ACOX3: variants seen among roughly 807,000 people sequenced by gnomAD.
ACOX3 encodes the protein peroxisomal acyl-coenzyme A oxidase 3.
In ACOX3, 73 loss-of-function variants were observed where a neutral mutation model predicts 81.5. The ratio of observed to expected loss-of-function variants is 0.90; its 90% CI spans 0.74 to 1.09. ACOX3 has a LOEUF of 1.09. Among genes scored for constraint, ACOX3 ranks in the 50% least tolerant of loss-of-function variants. The pLI is 0.00. For missense variants in ACOX3, 947 were observed against 928.0 expected, an observed-to-expected ratio of 1.02 and a Z score of -0.27; for synonymous variants, 387 against 375.1, an observed-to-expected ratio of 1.03 and a Z score of -0.37.
In ACOX3 at chr4:8,374,980, C is replaced by A; in HGVS notation, c.1826G>T (p.Arg609Leu). Residue 609 changes from arginine (R) to leucine (L), a missense_variant and splice_region_variant, in exon 15 of 18, where the codon CGA becomes CTA. Coordinates refer to ENST00000356406, the MANE Select transcript of ACOX3 (RefSeq NM_003501.3). ...SLSRHAALLY[R>L]GGYFSGEQAG... is the part of the protein sequence containing the mutation. ...AAGCCCGCAGTCAGAAGCCTCACCT[C>A]GGTAGAGCAGGGCCGCGTGGCGGCT... is the stretch of plus-strand genomic sequence containing the variant. 1.3e-6 allele frequency: 2 copies of A among 1,517,002 alleles called. No individual in the cohort carries two copies. Among genetic ancestry groups the A allele is most frequent in the South Asian group, 1.2e-5 (1 of 81,650 alleles). 94.0% of individuals were successfully genotyped at this position (1,517,002 alleles called of 1,614,324 possible).
rs934260016 is a variant in ACOX3 at position 8,394,069 on chromosome 4, A to G, written c.1179+551T>C. Among the ~76,000 whole-genome samples, 10 of 152,210 alleles carry G rather than the reference A, an allele frequency of 6.6e-5. No homozygotes were observed. Among genetic ancestry groups the G allele is most frequent in the African/African-American group, 2.4e-4 (10 of 41,442 alleles). On this transcript the variant is annotated intron_variant, in intron 10 of 17. Transcript: ENST00000356406. The surrounding 1 kb of genome is among the most constrained non-coding windows in gnomAD (Gnocchi z 5.9). ...CTGTGGCGTTTCTCCTCTGCTTTCA[A>G]ACACGGTTATTTCTTTTGATTCACA... is the stretch of plus-strand genomic sequence containing the variant.
At chr4:8,401,348 G>GA (rs1720355043) in intron 7 of ACOX3, among the ~76,000 whole-genome samples, 1 of 152,162 alleles carries the variant, frequency 6.6e-6, no homozygotes, top group Non-Finnish European at 1.5e-5. Context: ...CTCACATGCT[G>GA]GAAGGGAACC....
At position 8,382,852 on chromosome 4, in the gene ACOX3, C is replaced by A. The variant is rs957817709; in HGVS notation, c.1538-1245G>T. ...CTAAAAATACAAAAAATTAGCCGGG[C>A]GCAGTGGCAGGCGCCTGTAGTCCCA... On this transcript the variant is annotated intron_variant, in intron 13 of 17. Coordinates refer to ENST00000356406, the MANE Select transcript of ACOX3 (RefSeq NM_003501.3). This position sits in a 1 kb window ranked among gnomAD's most constrained non-coding sequence, Gnocchi z 4.1. Among the ~76,000 whole-genome samples, 23 of 152,108 alleles carry A rather than the reference C, an allele frequency of 1.5e-4. No individual in the cohort carries two copies. Among genetic ancestry groups the A allele is most frequent in the Admixed American group, 1.3e-3 (20 of 15,292 alleles).
Position 8,375,200 on chromosome 4 carries a change from C to T in ACOX3, c.1654-48G>A, listed in dbSNP as rs1249923888. 4.1e-6 allele frequency: 6 copies of T among 1,476,532 alleles called. No individual in the cohort carries two copies. The Admixed American group carries it at 1.5e-4, about 36-fold the overall frequency. 91.5% of individuals were successfully genotyped at this position (1,476,532 alleles called of 1,614,324 possible). On this transcript the variant is annotated intron_variant, in intron 14 of 17. Transcript: ENST00000356406. ...GAGGACCGTGAGGGTCCCAGCCCCG[C>T]CCAGATTCCCGGGGGAGGAAGTTCT...
At chr4:8,391,957 A>G (rs1407152810) in intron 11 of ACOX3, among the ~76,000 whole-genome samples, 2 of 152,268 alleles carry the variant, frequency 1.3e-5, no homozygotes, top group Non-Finnish European at 2.9e-5. Flanking sequence ...GTTAAAATTC[A>G]AATGAGCAGA....
intron 7 of ACOX3, among the ~76,000 whole-genome samples, chr4:8,403,040 C>T (rs1433566598): frequency 1.3e-5 from 2 of 152,158 alleles, no homozygotes; most frequent in African/African-American, 2.4e-5. Flanking sequence ...GTGCAGCCCA[C>T]CTTAAGAGTC....
rs1718066992 is a variant in ACOX3 at position 8,384,524 on chromosome 4, A to G, written c.1538-2917T>C. 6.6e-6 allele frequency among the ~76,000 whole-genome samples: 1 copy of G among 152,120 alleles called. No homozygotes were observed. The highest frequency in any genetic ancestry group is 1.5e-5 in the Non-Finnish European group (1 of 68,012). On this transcript the variant is annotated intron_variant, in intron 13 of 17. Coordinates refer to ENST00000356406, the MANE Select transcript of ACOX3 (RefSeq NM_003501.3). The surrounding 1 kb of genome is among the most constrained non-coding windows in gnomAD (Gnocchi z 5.3). ...ACCTCTGTCCTCAAGACTCTCCCAG[A>G]ATCCTGGGTCACCACGGCCTTTCCA...
intron 1 of ACOX3, among the ~76,000 whole-genome samples, chr4:8,426,574 G>A (rs1200889823): frequency 2.3e-5 from 3 of 131,824 alleles, no homozygotes; most frequent in East Asian, 2.2e-4. Flanking sequence ...CCTCCATGCC[G>A]CTATACTACC....
intron 11 of ACOX3, among the ~76,000 whole-genome samples, chr4:8,390,524 G>A (rs529960541): frequency 3.3e-5 from 5 of 152,298 alleles, no homozygotes; most frequent in South Asian, 4.1e-4. Flanking sequence ...CCCTTCTTCC[G>A]TCCATAACTG....
At position 8,370,335 on chromosome 4, in the gene ACOX3, G is replaced by A. The variant is rs984978581; in HGVS notation, c.1983+573C>T. 1.3e-5 allele frequency among the ~76,000 whole-genome samples: 2 copies of A among 152,140 alleles called. No homozygotes were observed. The highest frequency in any genetic ancestry group is 3.4e-3 in the Middle Eastern group (1 of 294). On this transcript the variant is annotated intron_variant, in intron 17 of 17. Transcript: ENST00000356406. The surrounding 1 kb of genome is among the most constrained non-coding windows in gnomAD (Gnocchi z 6.3). ...GCAGGCAGTCGAGGAGGCTGGTGGAGGCTCCCTCAGGGGGGCGGCCTGACC... is the reference window on the plus strand; with the variant it reads ...GCAGGCAGTCGAGGAGGCTGGTGGAAGCTCCCTCAGGGGGGCGGCCTGACC...
chr4:8,389,625 T>A lies in ACOX3; in HGVS notation c.1410A>T (p.Ala470=), dbSNP rs1448754562. ...GCAGAGCCTCACCGTGGACCTGGTG[T>A]GCCAGGAGACCCAGCAAATAGTTGC... The part of the protein sequence containing the change: ...QTSNYLLGLL[A]HQVHDGACFR... Residue 470 remains alanine, a synonymous_variant, in exon 12 of 18, where the codon GCA becomes GCT. Transcript: ENST00000356406. This position sits in a 1 kb window ranked among gnomAD's most constrained non-coding sequence, Gnocchi z 5.3. 8.1e-6 allele frequency: 13 copies of A among 1,613,816 alleles called. No individual in the cohort carries two copies. Among genetic ancestry groups the A allele is most frequent in the Non-Finnish European group, 1.1e-5 (13 of 1,180,016 alleles).
In ACOX3 at chr4:8,384,828, A is replaced by C. The variant is rs114078042; in HGVS notation, c.1538-3221T>G. On this transcript the variant is annotated intron_variant, in intron 13 of 17. Coordinates refer to ENST00000356406, the MANE Select transcript of ACOX3 (RefSeq NM_003501.3). This position sits in a 1 kb window ranked among gnomAD's most constrained non-coding sequence, Gnocchi z 5.3. ...GCGGCCCCAACTCCTCAGCCAGATC[A>C]CAGGCCCGGGTCTGACCATGCCCGC... is the stretch of plus-strand genomic sequence containing the variant. 5.5e-3 allele frequency among the ~76,000 whole-genome samples: 840 copies of C among 152,272 alleles called. 6 individuals are homozygous for C. Among genetic ancestry groups the C allele is most frequent in the African/African-American group, 0.019 (803 of 41,558 alleles).
chr4:8,399,547 T>G lies in ACOX3; in HGVS notation c.873+9A>C, dbSNP rs1246390808. The stretch of plus-strand genomic sequence containing the variant: ...AGCACGGCACACGAACGGCCCCCCA[T>G]GCCTGTACCTTAAAGGGGCTGACAT... On this transcript the variant is annotated intron_variant, in intron 8 of 17. Coordinates refer to ENST00000356406, the MANE Select transcript of ACOX3 (RefSeq NM_003501.3). The surrounding 1 kb of genome is among the most constrained non-coding windows in gnomAD (Gnocchi z 4.9). The G allele has an allele frequency of 1.9e-6, 3 of 1,608,700 alleles. No homozygotes were observed. The East Asian group carries it at 6.7e-5, about 36-fold the overall frequency.
intron 6 of ACOX3, among the ~76,000 whole-genome samples, chr4:8,409,185 A>G (rs1480556577): frequency 6.6e-6 from 1 of 152,260 alleles, no homozygotes; most frequent in Non-Finnish European, 1.5e-5. Flanking sequence ...AAAGAAAAAA[A>G]CGTAAAACTG....
At chr4:8,421,226 T>C (rs1192215690) in intron 1 of ACOX3, among the ~76,000 whole-genome samples, 3 of 152,206 alleles carry the variant, frequency 2.0e-5, no homozygotes, top group Non-Finnish European at 4.4e-5. Context: ...TGGAGGAAAA[T>C]ACTGGGCACC....
intron 1 of ACOX3, among the ~76,000 whole-genome samples, chr4:8,417,431 T>C (rs1722458362): frequency 6.6e-6 from 1 of 152,242 alleles, no homozygotes; most frequent in Non-Finnish European, 1.5e-5. Context: ...GCAGGAATCC[T>C]GCCTTCTATA....
chr4:8,410,301 T>C lies in ACOX3; in HGVS notation c.598A>G (p.Met200Val), dbSNP rs775596751. 31 of 1,614,052 alleles carry C rather than the reference T, an allele frequency of 1.9e-5. No individual in the cohort carries two copies. Among genetic ancestry groups the C allele is most frequent in the Non-Finnish European group, 2.5e-5 (29 of 1,180,010 alleles). Residue 200 changes from methionine (M) to valine (V), a missense_variant, in exon 6 of 18, where the codon ATG (methionine) becomes GTG (valine). By Grantham distance (21) the Met-to-Val change is conservative. Coordinates refer to ENST00000356406, the MANE Select transcript of ACOX3 (RefSeq NM_003501.3). ...ACCGCGTGAGTGGCTGTCTTGCCCA[T>C]GTTGCCAACCCAAAACTTGGCAGCT... ...FEAAKFWVGN[M>V]GKTATHAVVF...
chr4:8,418,868 CAA>C (rs1409267878), intron 1 of ACOX3, among the ~76,000 whole-genome samples: 2 of 151,976 alleles, frequency 1.3e-5, no homozygotes, highest in Non-Finnish European at 2.9e-5. Flanking sequence ...TCAAAGAAAA[CAA>C]AACAAACAAA....
intron 3 of ACOX3, 68 bp downstream of exon 3, chr4:8,415,698 G>T: frequency 1.4e-6 from 2 of 1,419,850 alleles, no homozygotes; most frequent in South Asian, 1.2e-5. Flanking sequence ...TTGGCCCTGG[G>T]ACAGGCATCC....
Sources: allele counts gnomAD v4.1 joint callset (sites outside exome capture counted in the v4.1 genomes callset), GRCh38; gene constraint gnomAD v4.1.1; non-coding constraint Gnocchi (gnomAD v3.1); transcripts MANE v1.5; gene names NCBI Gene and HGNC (gene_info 2026-07-23, HGNC 2026-07-21).